Variants in TOPAZ1 observed in about 807,000 individuals in gnomAD.
TOPAZ1 encodes testis and ovary specific TOPAZ 1.
A neutral mutation model predicts 172.2 loss-of-function variants in TOPAZ1; 66 were observed. The ratio of observed to expected loss-of-function variants is 0.38; its 90% CI spans 0.31 to 0.47. The LOEUF (loss-of-function observed/expected upper bound fraction) is 0.47. Among genes scored for constraint, TOPAZ1 ranks in the 20% least tolerant of loss-of-function variants. TOPAZ1 has a pLI of 0.99. For missense variants in TOPAZ1, 1,822 were observed against 1,972.4 expected, an observed-to-expected ratio of 0.92 and a Z score of 1.44; for synonymous variants, 681 against 683.9, an observed-to-expected ratio of 1.00 and a Z score of 0.07.
At position 44,245,043 on chromosome 3, in the gene TOPAZ1, C is replaced by T; in HGVS notation, c.2537C>T (p.Ser846Leu). ...GGTAGAAAAATAACTAAGAATTTTT[C>T]AGAGGTAGGGTTTCCAGATATTCTT... ...VRGRKITKNF[S>L]EVGFPDILKA... Residue 846 changes from serine (S) to leucine (L), a missense_variant, in exon 2 of 20, where the codon TCA becomes TTA. Ser to Leu is a moderately radical substitution (Grantham distance 145). Coordinates refer to ENST00000309765, the MANE Select transcript of TOPAZ1 (RefSeq NM_001145030.2). The T allele has an allele frequency of 6.4e-7, 1 of 1,551,648 alleles. No individual in the cohort carries two copies. The highest frequency in any genetic ancestry group is 8.7e-7 in the Non-Finnish European group (1 of 1,146,980).
At chr3:44,304,832 C>T (rs1443573938) in intron 13 of TOPAZ1, among the ~76,000 whole-genome samples, 2 of 152,130 alleles carry the variant, frequency 1.3e-5, no homozygotes, top group Non-Finnish European at 2.9e-5. Flanking sequence ...TCATGTTTTC[C>T]GTAAAATCCA....
chr3:44,313,634 A>G (rs1383889752), intron 16 of TOPAZ1, among the ~76,000 whole-genome samples: 2 of 146,904 alleles, frequency 1.4e-5, no homozygotes, highest in Non-Finnish European at 3.0e-5. Context: ...AAAAAAAAAA[A>G]GCCCCCCACT....
chr3:44,254,378 G>A (rs4682736), intron 2 of TOPAZ1, among the ~76,000 whole-genome samples: 72,617 of 151,806 alleles, frequency 0.48, 18,231 homozygotes, highest in East Asian at 0.81. Flanking sequence ...CTGTAATCCC[G>A]GCACTTTGGG....
At chr3:44,330,788 A>G (rs1700658880) in intron 19 of TOPAZ1, among the ~76,000 whole-genome samples, 1 of 152,218 alleles carries the variant, frequency 6.6e-6, no homozygotes. Context: ...AATAGTTCCC[A>G]TTCCCTACCC....
At position 44,328,233 on chromosome 3, in the gene TOPAZ1, A is replaced by G; in HGVS notation, c.4676-17A>G. 2 of 1,460,336 alleles carry G rather than the reference A, an allele frequency of 1.4e-6. No homozygotes were observed. Among genetic ancestry groups the G allele is most frequent in the Non-Finnish European group, 1.8e-6 (2 of 1,109,946 alleles). The allele number at this position is 1,460,336 out of a possible 1,614,324, so 90.5% of individuals were successfully genotyped here. The stretch of plus-strand genomic sequence containing the variant: ...ATTGGGTTTTAGTAAAGTTTGACCT[A>G]TTATTTGATTTTTCAGGTGCTCTTT... On this transcript the variant is annotated splice_polypyrimidine_tract_variant and intron_variant, in intron 18 of 19. Coordinates refer to ENST00000309765, the MANE Select transcript of TOPAZ1 (RefSeq NM_001145030.2).
chr3:44,296,488 A>G (rs967570702), intron 12 of TOPAZ1, among the ~76,000 whole-genome samples: 1 of 152,066 alleles, frequency 6.6e-6, no homozygotes, highest in Non-Finnish European at 1.5e-5. Context: ...TTATCAGTAC[A>G]GTTACTGCAG....
intron 8 of TOPAZ1, among the ~76,000 whole-genome samples, chr3:44,279,227 G>T (rs967800725): frequency 6.6e-6 from 1 of 151,992 alleles, no homozygotes; most frequent in Non-Finnish European, 1.5e-5. Flanking sequence ...TTGCTGGTTC[G>T]TTTTGTATTC....
rs528036724 is a variant in TOPAZ1 at position 44,243,010 on chromosome 3, A to G, written c.504A>G (p.Arg168=). Residue 168 remains arginine, a synonymous_variant, in exon 2 of 20, where the codon AGA becomes AGG. Coordinates refer to ENST00000309765, the MANE Select transcript of TOPAZ1 (RefSeq NM_001145030.2). ...GKESIIEGIK[R]RIRNKKLKSL... ...AAAGTATAATAGAAGGTATTAAAAG[A>G]AGAATTCGAAATAAAAAACTTAAAA... is the stretch of plus-strand genomic sequence containing the variant. 1 of 1,544,902 alleles carries G rather than the reference A, an allele frequency of 6.5e-7. No individual in the cohort carries two copies. The highest frequency in any genetic ancestry group is 1.4e-5 in the African/African-American group (1 of 72,646).
chr3:44,269,358 C>A (rs754119137), intron 7 of TOPAZ1, 57 bp downstream of exon 7: 15 of 962,704 alleles, frequency 1.6e-5, no homozygotes, highest in Non-Finnish European at 2.3e-5. Context: ...CCCTCCTCCT[C>A]CTTCTCCTCC....
chr3:44,281,079 G>A (rs111856451), intron 8 of TOPAZ1, among the ~76,000 whole-genome samples: 15 of 152,184 alleles, frequency 9.9e-5, no homozygotes, highest in African/African-American at 2.7e-4. Context: ...GTCTGCAGCC[G>A]GAGTGTGGAC....
chr3:44,334,923 G>T (rs1439977974), downstream of TOPAZ1, among the ~76,000 whole-genome samples: 3 of 152,158 alleles, frequency 2.0e-5, no homozygotes, highest in African/African-American at 7.2e-5. Context: ...TGATAGACTT[G>T]TGCTAGTTTT....
intron 9 of TOPAZ1, among the ~76,000 whole-genome samples, chr3:44,282,958 AT>A (rs1366227150): frequency 6.6e-6 from 1 of 152,156 alleles, no homozygotes; most frequent in African/African-American, 2.4e-5. Flanking sequence ...GACCTGAGGG[AT>A]TTTGATAGCC....
intron 12 of TOPAZ1, among the ~76,000 whole-genome samples, chr3:44,300,131 A>T (rs1306391854): frequency 6.6e-6 from 1 of 151,206 alleles, no homozygotes; most frequent in Non-Finnish European, 1.5e-5. Flanking sequence ...TAAATAAAAA[A>T]TAAAAAAAAA....
At chr3:44,292,739 A>G (rs1035168435) in intron 12 of TOPAZ1, among the ~76,000 whole-genome samples, 6 of 152,218 alleles carry the variant, frequency 3.9e-5, no homozygotes, top group Non-Finnish European at 7.3e-5. Flanking sequence ...TGATCAAATC[A>G]GGGTAACTGG....
chr3:44,312,463 T>C (rs1029279530), intron 16 of TOPAZ1, among the ~76,000 whole-genome samples: 3 of 152,176 alleles, frequency 2.0e-5, no homozygotes, highest in Non-Finnish European at 4.4e-5. Context: ...TTTAAAAATA[T>C]GCTTTTATTA....
In TOPAZ1 at chr3:44,273,923, T is replaced by C. The variant is rs60792768; in HGVS notation, c.3372+3113T>C. 8.0e-3 allele frequency among the ~76,000 whole-genome samples: 1,225 copies of C among 152,332 alleles called. 18 individuals carry two copies. Among genetic ancestry groups the C allele is most frequent in the African/African-American group, 0.028 (1,174 of 41,570 alleles). On this transcript the variant is annotated intron_variant, in intron 8 of 19. Transcript: ENST00000309765. Reference sequence around the variant, plus strand: ...ATATTCATGAGTGACTTACCATATATGTCAGATTCTGTTTCAAGTGCTTTA... The same window carrying C: ...ATATTCATGAGTGACTTACCATATACGTCAGATTCTGTTTCAAGTGCTTTA...
At chr3:44,309,228 A>G (rs933936528) in intron 15 of TOPAZ1, among the ~76,000 whole-genome samples, 3 of 152,144 alleles carry the variant, frequency 2.0e-5, no homozygotes, top group Non-Finnish European at 4.4e-5. Context: ...TACTTAGTCT[A>G]CGGAATTAAG....
At chr3:44,257,184 A>G (rs1373745510) in intron 4 of TOPAZ1, among the ~76,000 whole-genome samples, 1 of 151,692 alleles carries the variant, frequency 6.6e-6, no homozygotes, top group Non-Finnish European at 1.5e-5. Context: ...ATTTTTTTTT[A>G]ATTAGCAAGG....
intron 4 of TOPAZ1, among the ~76,000 whole-genome samples, chr3:44,259,383 T>C (rs1699750725): frequency 6.6e-6 from 1 of 152,174 alleles, no homozygotes; most frequent in Non-Finnish European, 1.5e-5. Context: ...GTACACCCAT[T>C]GTGAATTCTT....
Sources: allele counts gnomAD v4.1 joint callset (sites outside exome capture counted in the v4.1 genomes callset), GRCh38; gene constraint gnomAD v4.1.1; transcripts MANE v1.5; gene names NCBI Gene and HGNC (gene_info 2026-07-23, HGNC 2026-07-21).